SLC12A2: variants seen among roughly 807,000 people sequenced by gnomAD.
The protein encoded by SLC12A2 is Na-K-2Cl cotransporter 1.
In SLC12A2, 67 loss-of-function variants were observed where a neutral mutation model predicts 136.3. That is an observed-to-expected ratio of 0.49 (90% confidence interval 0.40 to 0.60). The LOEUF is 0.60. SLC12A2 is among the 20% of genes least tolerant of loss of function. SLC12A2 has a pLI of 0.00. For synonymous variants in SLC12A2, 619 were observed against 562.9 expected (o/e 1.10, Z -1.41); for missense variants, 1,322 against 1,534.7 (o/e 0.86, Z 2.32).
intron 26 of SLC12A2, among the ~76,000 whole-genome samples, chr5:128,185,197 T>C (rs1223152038): frequency 1.3e-5 from 2 of 152,128 alleles, no homozygotes; most frequent in Admixed American, 6.5e-5. Flanking sequence ...ACGTTAAAAT[T>C]TGGGCCCCGG....
chr5:128,101,626 A>G (rs955125410), intron 1 of SLC12A2, among the ~76,000 whole-genome samples: 27 of 152,202 alleles, frequency 1.8e-4, no homozygotes, highest in Admixed American at 1.1e-3. Context: ...ATTAACCATT[A>G]TTTAATTTGC....
In SLC12A2 at chr5:128,114,627, A is replaced by G. The variant is rs1168784222; in HGVS notation, c.994A>G (p.Thr332Ala). The change falls in exon 4 of 27, where the codon ACT (threonine) becomes GCT (alanine). Residue 332 changes from threonine to alanine, a missense_variant. Physicochemically the swap from Thr to Ala is moderately conservative, Grantham distance 58 (BLOSUM62 0). Coordinates refer to ENST00000262461, the MANE Select transcript of SLC12A2 (RefSeq NM_001046.3). ...AATAATGATGGCCACTGTTGTGACA[A>G]CTATCACAGGATTGTCTACTTCAGC... ...LVIMMATVVT[T>A]ITGLSTSAIA... 1 of 1,612,888 alleles carries G rather than the reference A, an allele frequency of 6.2e-7. No individual in the cohort carries two copies. Among genetic ancestry groups the G allele is most frequent in the Admixed American group, 1.7e-5 (1 of 60,024 alleles).
rs70997365 is a variant in SLC12A2 at position 128,179,948 on chromosome 5, CTTTTTTTTTTTTTTTTTTTTTTTTTT to C, written c.3101-921_3101-896del. On this transcript the variant is annotated intron_variant, in intron 22 of 26. Transcript: ENST00000262461. Reference sequence around the variant, plus strand: ...TCCATTTATCATGTCCCAATCGTTCCTTTTTTTTTTTTTTTTTTTTTTTTTTTTTTTTTTTTTTTGCGACTGAGTCT... The same window carrying C: ...TCCATTTATCATGTCCCAATCGTTCCTTTTTTTTTTTTTGCGACTGAGTCT... 5.2e-4 allele frequency among the ~76,000 whole-genome samples: 26 copies of C among 50,484 alleles called. 2 individuals are homozygous for C. The highest frequency in any genetic ancestry group is 1.6e-3 in the African/African-American group (22 of 13,992). 33.1% of individuals were successfully genotyped at this position (50,484 alleles called of 152,430 possible).
chr5:128,118,616 T>C (rs1476159496), intron 4 of SLC12A2, among the ~76,000 whole-genome samples: 1 of 152,130 alleles, frequency 6.6e-6, no homozygotes, highest in East Asian at 1.9e-4. Context: ...CAACCACACA[T>C]TGGGTATAGT....
At chr5:128,106,099 A>G (rs929481150) in intron 1 of SLC12A2, among the ~76,000 whole-genome samples, 2 of 152,138 alleles carry the variant, frequency 1.3e-5, no homozygotes, top group African/African-American at 4.8e-5. Flanking sequence ...GAAACTTCAA[A>G]TCATAATGCT....
Position 128,180,902 on chromosome 5 carries a change from T to G in SLC12A2, c.3120T>G (p.Pro1040=). Residue 1040 remains proline, a synonymous_variant, in exon 23 of 27, where the codon CCT becomes CCG. Coordinates refer to ENST00000262461, the MANE Select transcript of SLC12A2 (RefSeq NM_001046.3). The part of the protein sequence containing the change: ...FDDGGLTLLI[P]YLLTTKKKWK... ...ATTCAGGTTTGACCTTATTGATACCTTACCTTCTGACGACCAAGAAAAAAT... is the reference window on the plus strand; with the variant it reads ...ATTCAGGTTTGACCTTATTGATACCGTACCTTCTGACGACCAAGAAAAAAT... The G allele has an allele frequency of 1.2e-6, 2 of 1,604,128 alleles. No individual in the cohort carries two copies. Among genetic ancestry groups the G allele is most frequent in the South Asian group, 2.2e-5 (2 of 90,778 alleles).
At chr5:128,121,929 A>G (rs945057394) in intron 4 of SLC12A2, among the ~76,000 whole-genome samples, 6 of 152,158 alleles carry the variant, frequency 3.9e-5, no homozygotes, top group African/African-American at 1.4e-4. Flanking sequence ...CTTCACTCAG[A>G]TCTGCATTTC....
chr5:128,128,244 C>T (rs1266606298), intron 4 of SLC12A2, among the ~76,000 whole-genome samples: 8 of 152,020 alleles, frequency 5.3e-5, no homozygotes, highest in Non-Finnish European at 1.2e-4. Context: ...TTTTGATTAG[C>T]CTAGTTAGGG....
intron 1 of SLC12A2, among the ~76,000 whole-genome samples, chr5:128,098,862 T>C (rs1202403308): frequency 1.3e-5 from 2 of 152,148 alleles, no homozygotes; most frequent in African/African-American, 4.8e-5. Flanking sequence ...ATTATACTTT[T>C]TCTGAAGATT....
intron 16 of SLC12A2, 58 bp downstream of exon 16, chr5:128,158,222 C>G (rs575945274): frequency 2.4e-6 from 3 of 1,271,366 alleles, no homozygotes; most frequent in East Asian, 2.4e-5. Context: ...ATTTTAGGTT[C>G]AGGAATACAT....
intron 10 of SLC12A2, 111 bp downstream of exon 10, chr5:128,142,092 T>C: frequency 1.1e-6 from 1 of 940,974 alleles, no homozygotes; most frequent in Non-Finnish European, 1.6e-6. Flanking sequence ...AGGACAGTTG[T>C]TATTTTTTTT....
At chr5:128,169,321 C>G (rs1415468016) in intron 18 of SLC12A2, 1 of 152,030 alleles carries the variant, frequency 6.6e-6, no homozygotes, top group Non-Finnish European at 1.5e-5. Flanking sequence ...CCTTTTTTCT[C>G]ACTGGAGTTA....
chr5:128,174,560 A>G lies in SLC12A2; in HGVS notation c.2823A>G (p.Gln941=). ...CTACAGAAGAATTATTGTCATCACAAGAGAAATCTCCTGGCACCAAGGATG... is the reference window on the plus strand; with the variant it reads ...CTACAGAAGAATTATTGTCATCACAGGAGAAATCTCCTGGCACCAAGGATG... ...LQGQEELLSS[Q]EKSPGTKDVV... Residue 941 remains glutamine (Q), a synonymous_variant, in exon 20 of 27, where the codon CAA becomes CAG. Transcript: ENST00000262461. The G allele has an allele frequency of 6.2e-7, 1 of 1,606,376 alleles. No homozygotes were observed. The highest frequency in any genetic ancestry group is 1.1e-5 in the South Asian group (1 of 89,442).
intron 17 of SLC12A2, among the ~76,000 whole-genome samples, chr5:128,164,981 C>T (rs1200607878): frequency 6.6e-6 from 1 of 151,560 alleles, no homozygotes; most frequent in Non-Finnish European, 1.5e-5. Context: ...TAGCTGGGAC[C>T]ATAGGCGTGC....
intron 1 of SLC12A2, among the ~76,000 whole-genome samples, chr5:128,092,529 T>C (rs1289509719): frequency 6.6e-6 from 1 of 152,196 alleles, no homozygotes; most frequent in Non-Finnish European, 1.5e-5. Context: ...CATATGTCAT[T>C]TAAAAAAGTA....
rs1014376529 is a variant in SLC12A2, at chr5:128,167,852, A to T, written c.2708A>T (p.Tyr903Phe). The T allele has an allele frequency of 9.0e-6, 14 of 1,548,032 alleles. No homozygotes were observed. The highest frequency in any genetic ancestry group is 1.1e-5 in the Non-Finnish European group (13 of 1,136,006). The change falls in exon 18 of 27, where the codon TAT becomes TTT. Residue 903 changes from tyrosine (Y) to phenylalanine (F), a missense_variant. Physicochemically the swap from Tyr to Phe is conservative, Grantham distance 22. Coordinates refer to ENST00000262461, the MANE Select transcript of SLC12A2 (RefSeq NM_001046.3). Reference sequence around the variant, plus strand: ...GCAGATATGAGGGATGTGGATATGTATATAAACTTATTTCAGTAAGTATCT... The same window carrying T: ...GCAGATATGAGGGATGTGGATATGTTTATAAACTTATTTCAGTAAGTATCT... ...LQADMRDVDMYINLFHDAFDI... is the reference protein window; with the variant it reads ...LQADMRDVDMFINLFHDAFDI...
chr5:128,109,653 C>G (rs1175155045), intron 1 of SLC12A2: 1 of 828,396 alleles, frequency 1.2e-6, no homozygotes, highest in African/African-American at 1.7e-5. Flanking sequence ...GTGGATACAT[C>G]AGGGAATAGC....
At chr5:128,130,013 T>A (rs1761954997) in intron 4 of SLC12A2, among the ~76,000 whole-genome samples, 1 of 151,774 alleles carries the variant, frequency 6.6e-6, no homozygotes, top group African/African-American at 2.4e-5. Context: ...TGGAATACCA[T>A]TATATGCTCT....
chr5:128,127,389 G>A (rs1049623642), intron 4 of SLC12A2, among the ~76,000 whole-genome samples: 1 of 151,890 alleles, frequency 6.6e-6, no homozygotes, highest in African/African-American at 2.4e-5. Flanking sequence ...CCAAAGTGCT[G>A]GGATTACAGG....
Sources: gnomAD v4.1 joint callset for allele counts (sites outside exome capture counted in the v4.1 genomes callset) on GRCh38, gnomAD v4.1.1 for gene constraint, MANE v1.5 for transcripts, NCBI Gene and HGNC (gene_info 2026-07-23, HGNC 2026-07-21) for gene names.